Variants in GNG2 observed in about 807,000 individuals in gnomAD.
GNG2 encodes guanine nucleotide-binding protein G(I)/G(S)/G(O) subunit gamma-2.
Under a neutral mutation model 5.5 loss-of-function variants are expected in GNG2, and 5 were observed. The ratio of observed to expected loss-of-function variants is 0.91; its 90% CI spans 0.48 to 1.92. The LOEUF (loss-of-function observed/expected upper bound fraction) is 1.92, where lower values mean the gene tolerates loss of function less well. GNG2 is among the 30% of genes most tolerant of loss of function. The probability of loss-of-function intolerance (pLI) is 0.01; values close to 1 mark genes in which losing one functional copy is unlikely to be tolerated. For missense variants in GNG2, 55 were observed against 88.4 expected (o/e 0.62, Z 1.52); for synonymous variants, 28 against 32.0 (o/e 0.88, Z 0.42).
At chr14:51,933,697 G>A (rs1887796059) in intron 2 of GNG2, among the ~76,000 whole-genome samples, 1 of 152,300 alleles carries the variant, frequency 6.6e-6, no homozygotes, top group East Asian at 1.9e-4. Flanking sequence ...ACAGGGGCAG[G>A]AGTGTTCATT....
chr14:51,866,929 C>G (rs1418010671), intron 1 of GNG2, among the ~76,000 whole-genome samples: 4 of 152,236 alleles, frequency 2.6e-5, no homozygotes, highest in African/African-American at 7.2e-5. Context: ...AATAAACCCT[C>G]TACTTGGACT....
chr14:51,946,728 T>C (rs1026601612), intron 2 of GNG2, among the ~76,000 whole-genome samples: 5 of 152,314 alleles, frequency 3.3e-5, no homozygotes, highest in Admixed American at 1.3e-4. Flanking sequence ...TTTTAGCTTC[T>C]GGCCTGTGGA....
chr14:51,903,810 A>G (rs971408627), intron 2 of GNG2, among the ~76,000 whole-genome samples: 6 of 152,218 alleles, frequency 3.9e-5, no homozygotes, highest in African/African-American at 1.2e-4. Flanking sequence ...CACCAACTCT[A>G]TGGTTTGGGA....
At chr14:51,944,403 A>G (rs1208853946) in intron 2 of GNG2, among the ~76,000 whole-genome samples, 1 of 152,174 alleles carries the variant, frequency 6.6e-6, no homozygotes, top group Non-Finnish European at 1.5e-5. Context: ...TTCTCTTTTT[A>G]TAAGAGTACT....
intron 2 of GNG2, among the ~76,000 whole-genome samples, chr14:51,882,209 G>A (rs938976073): frequency 6.6e-6 from 1 of 152,132 alleles, no homozygotes; most frequent in Admixed American, 6.5e-5. Flanking sequence ...GCACAACACC[G>A]TGAATGTACT....
intron 2 of GNG2, among the ~76,000 whole-genome samples, chr14:51,853,392 G>A (rs570652824): frequency 3.7e-4 from 57 of 152,224 alleles, no homozygotes; most frequent in South Asian, 3.7e-3. Context: ...GGTTCTGTTC[G>A]TGAAATTCTG....
intron 2 of GNG2, among the ~76,000 whole-genome samples, chr14:51,842,360 G>T (rs1367011102): frequency 2.6e-5 from 4 of 152,158 alleles, no homozygotes; most frequent in African/African-American, 9.7e-5. Flanking sequence ...CACCAGAACA[G>T]TTCATTTGTT....
At chr14:51,860,962 G>C (rs955521104) in intron 1 of GNG2, among the ~76,000 whole-genome samples, 172 bp downstream of exon 1, 3 of 152,092 alleles carry the variant, frequency 2.0e-5, no homozygotes, top group Non-Finnish European at 4.4e-5. Flanking sequence ...TGACACATTT[G>C]ATTTAAAAAA....
At chr14:51,892,383 C>T (rs866404945) in intron 2 of GNG2, among the ~76,000 whole-genome samples, 5 of 151,662 alleles carry the variant, frequency 3.3e-5, no homozygotes, top group Non-Finnish European at 2.9e-5. Context: ...GCGATCTTGG[C>T]GCACTACAAC....
At chr14:51,830,735 T>G (rs901970577) in intron 2 of GNG2, among the ~76,000 whole-genome samples, 2 of 152,214 alleles carry the variant, frequency 1.3e-5, no homozygotes, top group Admixed American at 1.3e-4. Context: ...TGACCTGAAT[T>G]ACTGAGATAG....
At chr14:51,842,284 TA>T (rs1307365072) in intron 2 of GNG2, among the ~76,000 whole-genome samples, 2 of 152,250 alleles carry the variant, frequency 1.3e-5, no homozygotes, top group African/African-American at 4.8e-5. Context: ...ATACATTTTC[TA>T]AAAAATTCAA....
At chr14:51,918,201 G>A (rs1886773228) in intron 2 of GNG2, among the ~76,000 whole-genome samples, 2 of 152,136 alleles carry the variant, frequency 1.3e-5, no homozygotes, top group Admixed American at 6.6e-5. Flanking sequence ...TGCGGAGGTG[G>A]TGACCTGACC....
chr14:51,957,465 A>C (rs1372819998), intron 3 of GNG2, among the ~76,000 whole-genome samples: 1 of 152,210 alleles, frequency 6.6e-6, no homozygotes, highest in Non-Finnish European at 1.5e-5. Flanking sequence ...TCAAAGTTAC[A>C]GAAGAGTTGC....
At chr14:51,930,862 CAG>C (rs1319122760) in intron 2 of GNG2, among the ~76,000 whole-genome samples, 1 of 152,088 alleles carries the variant, frequency 6.6e-6, no homozygotes, top group Non-Finnish European at 1.5e-5. Context: ...AGAGAGAAGA[CAG>C]AGAGGAGGCC....
intron 2 of GNG2, among the ~76,000 whole-genome samples, chr14:51,946,332 T>A (rs1030907469): frequency 2.0e-5 from 3 of 152,202 alleles, no homozygotes; most frequent in Non-Finnish European, 2.9e-5. Context: ...ACAACTAATA[T>A]TCAGATGTTG....
intron 2 of GNG2, among the ~76,000 whole-genome samples, chr14:51,881,467 C>T (rs796828701): frequency 6.6e-6 from 1 of 152,112 alleles, no homozygotes; most frequent in South Asian, 2.1e-4. Context: ...GCTTGCTGGG[C>T]CTTTCCCCAC....
intron 2 of GNG2, among the ~76,000 whole-genome samples, chr14:51,912,479 G>C (rs571559515): frequency 6.6e-6 from 1 of 152,234 alleles, no homozygotes; most frequent in Admixed American, 6.5e-5. Flanking sequence ...TGCTACGGCT[G>C]CCCTGGTTGG....
intron 2 of GNG2, among the ~76,000 whole-genome samples, chr14:51,836,486 T>A (rs1416968565): frequency 1.3e-5 from 2 of 152,186 alleles, no homozygotes; most frequent in Non-Finnish European, 2.9e-5. Context: ...AATAAAATAA[T>A]GTATATGAAA....
intron 2 of GNG2, among the ~76,000 whole-genome samples, chr14:51,932,357 C>T (rs1336614019): frequency 6.6e-6 from 1 of 150,622 alleles, no homozygotes; most frequent in South Asian, 2.1e-4. Context: ...CATGGGTGAA[C>T]CTTGAAGACA....
Sources: allele counts gnomAD v4.1 joint callset (sites outside exome capture counted in the v4.1 genomes callset), GRCh38; gene constraint gnomAD v4.1.1; transcripts MANE v1.5; gene names NCBI Gene and HGNC (gene_info 2026-07-23, HGNC 2026-07-21).